ZNF804B: variants seen among roughly 807,000 people sequenced by gnomAD.
ZNF804B encodes zinc finger 804B.
In ZNF804B, 80 loss-of-function variants were observed where a neutral mutation model predicts 101.4. The ratio of observed to expected loss-of-function variants is 0.79; its 90% CI spans 0.66 to 0.95. ZNF804B has a LOEUF of 0.95. Ranked by LOEUF, ZNF804B falls within the 40% of genes least tolerant of loss-of-function variation. ZNF804B has a pLI of 0.00. For missense variants in ZNF804B, 1,673 were observed against 1,561.9 expected (o/e 1.07, Z -1.20); for synonymous variants, 622 against 558.8 (o/e 1.11, Z -1.59).
intron 2 of ZNF804B, among the ~76,000 whole-genome samples, chr7:89,284,339 G>T (rs1790147493): frequency 6.6e-6 from 1 of 152,110 alleles, no homozygotes; most frequent in Admixed American, 6.5e-5. Context: ...TATTTTTATT[G>T]TGTTCAGTGC....
At chr7:89,106,011 C>T (rs1320466187) in intron 1 of ZNF804B, among the ~76,000 whole-genome samples, 1 of 152,122 alleles carries the variant, frequency 6.6e-6, no homozygotes, top group Non-Finnish European at 1.5e-5. Flanking sequence ...TTCCATGCTT[C>T]CTCAGGTACA....
At chr7:89,040,598 A>G (rs1195699795) in intron 1 of ZNF804B, among the ~76,000 whole-genome samples, 1 of 152,142 alleles carries the variant, frequency 6.6e-6, no homozygotes. Flanking sequence ...TATTTGCCAG[A>G]CAGTTTGTAG....
At chr7:89,144,989 C>A (rs945010235) in intron 1 of ZNF804B, among the ~76,000 whole-genome samples, 2 of 151,464 alleles carry the variant, frequency 1.3e-5, no homozygotes, top group Non-Finnish European at 2.9e-5. Context: ...TCCTGTAGTC[C>A]CAGCTACTTG....
At chr7:88,798,189 A>C (rs1279843777) in intron 1 of ZNF804B, among the ~76,000 whole-genome samples, 1 of 151,912 alleles carries the variant, frequency 6.6e-6, no homozygotes, top group Non-Finnish European at 1.5e-5. Context: ...GTGTCTTTCT[A>C]CCTTTTACTC....
intron 1 of ZNF804B, among the ~76,000 whole-genome samples, chr7:88,776,125 G>A (rs562219580): frequency 2.0e-5 from 3 of 152,154 alleles, no homozygotes; most frequent in Non-Finnish European, 4.4e-5. Context: ...GCCTTTGCAG[G>A]CAGTGAATGA....
chr7:88,985,978 C>T (rs1793755043), intron 1 of ZNF804B, among the ~76,000 whole-genome samples: 1 of 152,092 alleles, frequency 6.6e-6, no homozygotes. Flanking sequence ...CGTCACATGC[C>T]TCAAATATTT....
chr7:89,022,486 A>G (rs1021335245), intron 1 of ZNF804B, among the ~76,000 whole-genome samples: 2 of 152,044 alleles, frequency 1.3e-5, no homozygotes, highest in African/African-American at 2.4e-5. Context: ...TTTGCCTTCA[A>G]TTACTATATA....
chr7:88,873,091 G>C (rs2115885136), intron 1 of ZNF804B, among the ~76,000 whole-genome samples: 1 of 152,000 alleles, frequency 6.6e-6, no homozygotes, highest in South Asian at 2.1e-4. Context: ...CACCAACAGT[G>C]TAAAAGTGTT....
At chr7:89,319,038 G>A (rs1032946743) in intron 2 of ZNF804B, among the ~76,000 whole-genome samples, 1 of 152,142 alleles carries the variant, frequency 6.6e-6, no homozygotes, top group African/African-American at 2.4e-5. Flanking sequence ...GACACAGATC[G>A]CTCATGCTAA....
intron 1 of ZNF804B, among the ~76,000 whole-genome samples, chr7:89,171,279 G>GCTT (rs1491306372): frequency 1.8e-4 from 13 of 70,604 alleles, no homozygotes; most frequent in Non-Finnish European, 3.1e-4. Context: ...CACAAATAAT[G>GCTT]CTGCTGCTGC....
chr7:88,891,311 A>T (rs1792210310), intron 1 of ZNF804B, among the ~76,000 whole-genome samples: 1 of 152,152 alleles, frequency 6.6e-6, no homozygotes. Context: ...TTTCTAGTGA[A>T]TGGAAATTTT....
At chr7:89,025,671 T>G (rs1337972962) in intron 1 of ZNF804B, among the ~76,000 whole-genome samples, 1 of 152,144 alleles carries the variant, frequency 6.6e-6, no homozygotes, top group African/African-American at 2.4e-5. Context: ...TAATTTGACT[T>G]CTCTTCCTCT....
At chr7:89,219,893 GTATA>G (rs1204643489) in intron 2 of ZNF804B, among the ~76,000 whole-genome samples, 2 of 97,622 alleles carry the variant, frequency 2.0e-5, no homozygotes, top group Non-Finnish European at 4.3e-5. Flanking sequence ...GTGTATATAT[GTATA>G]TATGTGTGTG....
At chr7:88,791,547 G>C (rs1052626422) in intron 1 of ZNF804B, among the ~76,000 whole-genome samples, 1 of 151,854 alleles carries the variant, frequency 6.6e-6, no homozygotes, top group African/African-American at 2.4e-5. Context: ...AGTGAATTAG[G>C]TTTCTATTGG....
chr7:89,274,021 CA>C (rs1562933732), intron 2 of ZNF804B, among the ~76,000 whole-genome samples: 1 of 151,928 alleles, frequency 6.6e-6, no homozygotes, highest in East Asian at 1.9e-4. Flanking sequence ...AAAGAGTAGA[CA>C]TACTAAAAAT....
intron 1 of ZNF804B, among the ~76,000 whole-genome samples, chr7:89,023,238 A>G (rs1026294832): frequency 3.3e-5 from 5 of 152,160 alleles, no homozygotes; most frequent in Non-Finnish European, 5.9e-5. Flanking sequence ...GTTTTCCTCT[A>G]TAGTGCTGAC....
chr7:88,960,133 T>A (rs1166895909), intron 1 of ZNF804B, among the ~76,000 whole-genome samples: 1 of 151,512 alleles, frequency 6.6e-6, no homozygotes, highest in Non-Finnish European at 1.5e-5. Context: ...ATAAATTTTG[T>A]TATACATTTA....
At chr7:89,215,087 T>C (rs918191454) in intron 1 of ZNF804B, among the ~76,000 whole-genome samples, 2 of 152,196 alleles carry the variant, frequency 1.3e-5, no homozygotes, top group African/African-American at 4.8e-5. Flanking sequence ...GTTCACTCTT[T>C]CTCTCTTAAT....
intron 1 of ZNF804B, among the ~76,000 whole-genome samples, chr7:89,200,062 T>C (rs1429351183): frequency 6.6e-6 from 1 of 151,638 alleles, no homozygotes; most frequent in Admixed American, 6.6e-5. Context: ...ATGTTTGAAC[T>C]TATTTAATCA....
Sources: allele counts gnomAD v4.1 joint callset (sites outside exome capture counted in the v4.1 genomes callset), GRCh38; gene constraint gnomAD v4.1.1; transcripts MANE v1.5; gene names NCBI Gene and HGNC (gene_info 2026-07-23, HGNC 2026-07-21).